TRNAU1AP: variants seen among roughly 807,000 people sequenced by gnomAD.
The protein encoded by TRNAU1AP is tRNA selenocysteine 1-associated protein 1.
In TRNAU1AP, 33 loss-of-function variants were observed where a neutral mutation model predicts 43.3. The ratio of observed to expected loss-of-function variants is 0.76; its 90% confidence interval spans 0.58 to 1.02. TRNAU1AP has a LOEUF of 1.02. Ranked by LOEUF, TRNAU1AP falls within the 50% of genes least tolerant of loss-of-function variation. TRNAU1AP has a pLI of 0.00. For synonymous variants in TRNAU1AP, 143 were observed against 129.1 expected, an observed-to-expected ratio of 1.11 and a Z score of -0.73; for missense variants, 290 against 362.7, an observed-to-expected ratio of 0.80 and a Z score of 1.63.
At chr1:28,556,527 T>C (rs1407277628) in intron 2 of TRNAU1AP, among the ~76,000 whole-genome samples, 5 of 149,114 alleles carry the variant, frequency 3.4e-5, no homozygotes, top group East Asian at 2.0e-4. Context: ...TTTTTTTTTT[T>C]CTGAGGCATA....
rs951190183 is a variant in TRNAU1AP at position 28,553,699 on chromosome 1, C to A, written c.87C>A (p.Thr29=). The change falls in exon 2 of 9, where the codon ACC becomes ACA. Residue 29 remains threonine (T), a synonymous_variant. Transcript: ENST00000373830. ...ISRAFATMGE[T]VMSVKIIRNR... is the part of the protein sequence containing the mutation. ...GAGCCTTTGCCACCATGGGGGAGAC[C>A]GTAATGAGCGTCAAAATTATCCGAA... The A allele has an allele frequency of 6.2e-7, 1 of 1,614,120 alleles. No individual in the cohort carries two copies. Among genetic ancestry groups the A allele is most frequent in the Admixed American group, 1.7e-5 (1 of 60,010 alleles).
At chr1:28,554,185 C>G (rs1309141495) in intron 2 of TRNAU1AP, 1 of 122,304 alleles carries the variant, frequency 8.2e-6, no homozygotes, top group African/African-American at 3.7e-5. Context: ...ACAACAAGAG[C>G]AAAACAATGT....
intron 2 of TRNAU1AP, among the ~76,000 whole-genome samples, chr1:28,556,149 G>A (rs1665258277): frequency 6.6e-6 from 1 of 151,622 alleles, no homozygotes; most frequent in African/African-American, 2.4e-5. Context: ...ACCGCGCCCG[G>A]CCCCTTTCTA....
At chr1:28,555,490 CTT>C (rs926754126) in intron 2 of TRNAU1AP, among the ~76,000 whole-genome samples, 1 of 150,124 alleles carries the variant, frequency 6.7e-6, no homozygotes, top group Non-Finnish European at 1.5e-5. Context: ...AGCAGCTACT[CTT>C]TTCCTTTTTT....
intron 2 of TRNAU1AP, among the ~76,000 whole-genome samples, chr1:28,555,642 T>C (rs1049816039): frequency 1.3e-5 from 2 of 151,364 alleles, no homozygotes; most frequent in African/African-American, 4.9e-5. Flanking sequence ...CTCTACTACA[T>C]GTGGCTTGCT....
At chr1:28,563,743 T>C (rs1281774707) in intron 4 of TRNAU1AP, among the ~76,000 whole-genome samples, 1 of 151,726 alleles carries the variant, frequency 6.6e-6, no homozygotes, top group Non-Finnish European at 1.5e-5. Context: ...TCCCAGCCAC[T>C]TGGGCGGCTG....
At chr1:28,570,955 C>T (rs1163201997) in intron 6 of TRNAU1AP, among the ~76,000 whole-genome samples, 1 of 151,988 alleles carries the variant, frequency 6.6e-6, no homozygotes, top group Non-Finnish European at 1.5e-5. Flanking sequence ...GTCCCAGCTA[C>T]TCAGGAGGCT....
intron 2 of TRNAU1AP, among the ~76,000 whole-genome samples, chr1:28,559,217 G>A (rs546983889): frequency 2.6e-5 from 4 of 152,042 alleles, no homozygotes; most frequent in South Asian, 4.2e-4. Flanking sequence ...AACTACAGGC[G>A]CCTACCACCA....
In TRNAU1AP at chr1:28,561,354, T is replaced by A; in HGVS notation, c.234T>A (p.Arg78=). 1 of 1,614,160 alleles carries A rather than the reference T, an allele frequency of 6.2e-7. No homozygotes were observed. Among genetic ancestry groups the A allele is most frequent in the Non-Finnish European group, 8.5e-7 (1 of 1,180,020 alleles). The change falls in exon 4 of 9, where the codon CGT becomes CGA. Residue 78 remains arginine (R), a synonymous_variant. Coordinates refer to ENST00000373830, the MANE Select transcript of TRNAU1AP (RefSeq NM_017846.5). Reference sequence around the variant, plus strand: ...TGTTTTTCAACTTCCAGGCGAAACGTTTTAAACTGAACTATGCCACTTACG... The same window carrying A: ...TGTTTTTCAACTTCCAGGCGAAACGATTTAAACTGAACTATGCCACTTACG... The part of the protein sequence containing the change: ...KPLPGATPAK[R]FKLNYATYGK...
At position 28,561,389 on chromosome 1, in the gene TRNAU1AP, C is replaced by T; in HGVS notation, c.269C>T (p.Pro90Leu). ...KLNYATYGKQ[P>L]DNSPEYSLFV... ...AACTATGCCACTTACGGGAAACAAC[C>T]AGATAACAGGTAGGTACAAAGTCAT... is the stretch of plus-strand genomic sequence containing the variant. Residue 90 changes from proline (P) to leucine (L), a missense_variant, in exon 4 of 9, where the codon CCA becomes CTA. Transcript: ENST00000373830. 6.2e-7 allele frequency: 1 copy of T among 1,614,136 alleles called. No homozygotes were observed. The highest frequency in any genetic ancestry group is 8.5e-7 in the Non-Finnish European group (1 of 1,180,012).
At chr1:28,561,525 C>T in intron 4 of TRNAU1AP, 127 bp downstream of exon 4, 1 of 1,055,624 alleles carries the variant, frequency 9.5e-7, no homozygotes, top group Non-Finnish European at 1.4e-6. Context: ...CTTCTCCCTT[C>T]CTTGCTGGTG....
chr1:28,565,028 C>G, intron 5 of TRNAU1AP, 194 bp downstream of exon 5: 1 of 615,814 alleles, frequency 1.6e-6, no homozygotes, highest in South Asian at 2.0e-5. Context: ...GCTCTGTGAC[C>G]CTTACAGCCC....
At chr1:28,573,372 G>T (rs1175330312) in intron 8 of TRNAU1AP, among the ~76,000 whole-genome samples, 1 of 151,022 alleles carries the variant, frequency 6.6e-6, no homozygotes, top group Non-Finnish European at 1.5e-5. Flanking sequence ...CTTGCACGGT[G>T]GCTCACCCCT....
rs542202539 is a variant in TRNAU1AP at position 28,559,712 on chromosome 1, T to G, written c.126-921T>G. On this transcript the variant is annotated intron_variant, in intron 2 of 8. Transcript: ENST00000373830. ...TGCATTCATTTGTTTACTTGTGGTGTTTTGCATAGTCTATCTCTAAAATTT... is the reference window on the plus strand; with the variant it reads ...TGCATTCATTTGTTTACTTGTGGTGGTTTGCATAGTCTATCTCTAAAATTT... 4.6e-5 allele frequency among the ~76,000 whole-genome samples: 7 copies of G among 152,270 alleles called. No homozygotes were observed. In the South Asian group the frequency reaches 1.2e-3, roughly 27 times the overall value.
chr1:28,567,167 T>C, intron 5 of TRNAU1AP, 127 bp from the exon 6 acceptor site: 1 of 1,002,512 alleles, frequency 1.0e-6, no homozygotes, highest in South Asian at 1.5e-5. Context: ...GGACTCTCTC[T>C]TTCTCTTCTC....
At position 28,553,134 on chromosome 1, in the gene TRNAU1AP, C is replaced by T. The variant is rs763913795; in HGVS notation, c.24C>T (p.Gly8=). The T allele has an allele frequency of 8.6e-6, 13 of 1,517,504 alleles. No homozygotes were observed. The highest frequency in any genetic ancestry group is 2.2e-5 in the Admixed American group (1 of 45,610). 94.0% of individuals were successfully genotyped at this position (1,517,504 alleles called of 1,614,324 possible). The change falls in exon 1 of 9, where the codon GGC becomes GGT. Residue 8 remains glycine (G), a synonymous_variant. Transcript: ENST00000373830. Reference sequence around the variant, plus strand: ...GTATGGCGGCCAGCCTGTGGATGGGCGACGTGAGTGAGGGCAGCCGTCCGG... The same window carrying T: ...GTATGGCGGCCAGCCTGTGGATGGGTGACGTGAGTGAGGGCAGCCGTCCGG... The part of the protein sequence containing the change: MAASLWM[G]DLEPYMDENF...
chr1:28,572,638 ATATAG>A (rs913520005), intron 8 of TRNAU1AP, among the ~76,000 whole-genome samples: 14 of 151,842 alleles, frequency 9.2e-5, no homozygotes, highest in Non-Finnish European at 1.8e-4. Flanking sequence ...AATTTGGAAA[ATATAG>A]TAAAGTATGG....
intron 2 of TRNAU1AP, among the ~76,000 whole-genome samples, chr1:28,560,348 C>G (rs1665378147): frequency 6.7e-6 from 1 of 148,706 alleles, no homozygotes; most frequent in South Asian, 2.1e-4. Context: ...GTGGCATGAT[C>G]TCAGCTCACT....
rs764488654 is a variant in TRNAU1AP at position 28,577,658 on chromosome 1, G to A, written c.*22G>A. The A allele has an allele frequency of 6.2e-6, 10 of 1,603,568 alleles. No homozygotes were observed. Among genetic ancestry groups the A allele is most frequent in the Non-Finnish European group, 8.5e-6 (10 of 1,175,114 alleles). On this transcript the variant is annotated 3_prime_UTR_variant, in exon 9 of 9. Coordinates refer to ENST00000373830, the MANE Select transcript of TRNAU1AP (RefSeq NM_017846.5). ...GTAGCCAGGCCAAAGGACAAGCCAG[G>A]TTGCATGATGTGAGGGAGATGAGAG...
Sources: allele counts gnomAD v4.1 joint callset (sites outside exome capture counted in the v4.1 genomes callset), GRCh38; gene constraint gnomAD v4.1.1; transcripts MANE v1.5; gene names NCBI Gene and HGNC (gene_info 2026-07-23, HGNC 2026-07-21).